The following RC3H1 variants were observed in gnomAD, a reference collection of about 807,000 sequenced individuals.
The protein encoded by RC3H1 is ring finger and CCCH-type domains 1.
Under a neutral mutation model 138.2 loss-of-function variants are expected in RC3H1, and 50 were observed. That is an observed-to-expected ratio of 0.36 (90% CI 0.29 to 0.46). RC3H1 has a LOEUF of 0.46. Ranked by LOEUF, RC3H1 falls within the 20% of genes least tolerant of loss-of-function variation. The pLI is 1.00. For synonymous variants in RC3H1, 462 were observed against 489.1 expected, an observed-to-expected ratio of 0.94 and a Z score of 0.73; for missense variants, 1,031 against 1,388.1, an observed-to-expected ratio of 0.74 and a Z score of 4.09.
chr1:173,961,233 A>G lies in RC3H1; in HGVS notation c.2214T>C (p.Tyr738=). The G allele has an allele frequency of 6.2e-7, 1 of 1,605,714 alleles. No homozygotes were observed. Among genetic ancestry groups the G allele is most frequent in the Non-Finnish European group, 8.5e-7 (1 of 1,177,906 alleles). Residue 738 remains tyrosine (Y), a synonymous_variant, in exon 13 of 20, where the codon TAT becomes TAC. Transcript: ENST00000367696. ...IRPSYLREPP[Y]SRLPPPPQPH... ...GCTGGGGAGGAGGAGGAAGCCGGCT[A>G]TAAGGAGGTTCCTAAAAATAGAAAG... is the stretch of plus-strand genomic sequence containing the variant.
At position 173,965,223 on chromosome 1, in the gene RC3H1, C is replaced by T. The variant is rs998385004; in HGVS notation, c.1335-103G>A. On this transcript the variant is annotated intron_variant, in intron 9 of 19. Transcript: ENST00000367696. ...TTTCTAGAAATATTCTCTCTTGAAA[C>T]ATTAACTCTATCAGTGTGTATATTT... The T allele has an allele frequency of 7.7e-5, 79 of 1,021,122 alleles. No homozygotes were observed. In the African/African-American group the frequency reaches 1.1e-3, roughly 14 times the overall value. 63.3% of individuals were successfully genotyped at this position (1,021,122 alleles called of 1,614,324 possible).
intron 13 of RC3H1, among the ~76,000 whole-genome samples, chr1:173,957,153 G>T (rs1232025174): frequency 6.6e-6 from 1 of 152,036 alleles, no homozygotes; most frequent in African/African-American, 2.4e-5. Flanking sequence ...TAACTAAAAT[G>T]ATTCTAGATA....
intron 9 of RC3H1, among the ~76,000 whole-genome samples, chr1:173,969,834 A>C (rs1006034592): frequency 6.0e-4 from 91 of 151,990 alleles, no homozygotes; most frequent in African/African-American, 2.1e-3. Flanking sequence ...AGAATCTGTT[A>C]AACTGAGCCA....
intron 9 of RC3H1, among the ~76,000 whole-genome samples, chr1:173,965,966 C>T (rs1660098762): frequency 6.6e-6 from 1 of 152,006 alleles, no homozygotes; most frequent in Non-Finnish European, 1.5e-5. Flanking sequence ...CATGGTGAAA[C>T]CTTGTCTTTA....
chr1:173,979,310 C>T (rs1401069095), intron 6 of RC3H1, among the ~76,000 whole-genome samples: 1 of 152,192 alleles, frequency 6.6e-6, no homozygotes, highest in East Asian at 1.9e-4. Context: ...TTACACAGTT[C>T]AGTTCAGACA....
In RC3H1 at chr1:173,944,226, T is replaced by G. The variant is rs555994736; in HGVS notation, c.2962-611A>C. The stretch of plus-strand genomic sequence containing the variant: ...AAGAAAAACAAGTCAACTACAGATG[T>G]GCATCTTTCCCCCTCTGTTTTTAAT... On this transcript the variant is annotated intron_variant, in intron 17 of 19. Transcript: ENST00000367696. 2.0e-5 allele frequency among the ~76,000 whole-genome samples: 3 copies of G among 151,608 alleles called. 1 individual carries two copies. Among genetic ancestry groups the G allele is most frequent in the African/African-American group, 7.3e-5 (3 of 41,334 alleles).
chr1:173,984,979 C>T (rs1660964804), intron 2 of RC3H1, among the ~76,000 whole-genome samples: 1 of 152,160 alleles, frequency 6.6e-6, no homozygotes, highest in African/African-American at 2.4e-5. Context: ...CTTATTTCTT[C>T]CCAACCATCC....
At chr1:173,999,378 CAAAAA>C (rs11299661) in intron 1 of RC3H1, among the ~76,000 whole-genome samples, 1 of 110,316 alleles carries the variant, frequency 9.1e-6, no homozygotes. Context: ...AAAACTCCAC[CAAAAA>C]AAAAAAAAAG....
intron 6 of RC3H1, among the ~76,000 whole-genome samples, chr1:173,979,551 G>A (rs977583201): frequency 3.3e-5 from 5 of 152,190 alleles, no homozygotes; most frequent in African/African-American, 1.2e-4. Context: ...AGCTACTTGG[G>A]AGGCTGAGGC....
intron 11 of RC3H1, 23 bp from the exon 12 acceptor site, chr1:173,962,118 CA>C (rs1659913982): frequency 1.9e-6 from 3 of 1,553,358 alleles, no homozygotes; most frequent in Non-Finnish European, 2.6e-6. Context: ...AAAGAGGACC[CA>C]AAAGCAAATA....
At chr1:173,959,273 C>T (rs1179720281) in intron 13 of RC3H1, among the ~76,000 whole-genome samples, 1 of 151,980 alleles carries the variant, frequency 6.6e-6, no homozygotes, top group African/African-American at 2.4e-5. Context: ...AGGGTCAATA[C>T]ATAAAAATCT....
chr1:174,015,466 A>G (rs1379887867), intron 1 of RC3H1, among the ~76,000 whole-genome samples: 1 of 151,784 alleles, frequency 6.6e-6, no homozygotes, highest in African/African-American at 2.4e-5. Context: ...CCTGGGTTCA[A>G]GCAATTCTCT....
Position 173,982,919 on chromosome 1 carries a change from A to C in RC3H1, c.593-17T>G. The C allele has an allele frequency of 6.3e-7, 1 of 1,596,274 alleles. No homozygotes were observed. The highest frequency in any genetic ancestry group is 8.5e-7 in the Non-Finnish European group (1 of 1,173,884). On this transcript the variant is annotated splice_polypyrimidine_tract_variant and intron_variant, in intron 4 of 19. Coordinates refer to ENST00000367696, the MANE Select transcript of RC3H1 (RefSeq NM_172071.4). ...CCTGCATTGCTAGGGAAAGTTGGGC[A>C]AAACCAAAATTTATCAAGTACATAG...
intron 2 of RC3H1, among the ~76,000 whole-genome samples, chr1:173,991,322 A>G (rs1661279203): frequency 6.6e-6 from 1 of 152,240 alleles, no homozygotes; most frequent in African/African-American, 2.4e-5. Flanking sequence ...CTCATCTTAT[A>G]TCCTGCAACT....
rs1659417834 is a variant in RC3H1 at position 173,951,931 on chromosome 1, A to C, written c.2523+55T>G. 5 of 1,509,222 alleles carry C rather than the reference A, an allele frequency of 3.3e-6. No individual in the cohort carries two copies. In the East Asian group the frequency reaches 9.4e-5, roughly 28 times the overall value. 93.5% of individuals were successfully genotyped at this position (1,509,222 alleles called of 1,614,324 possible). A position where few individuals can be genotyped will look rare whatever the true frequency, so the allele number is the denominator to read the frequency against. On this transcript the variant is annotated intron_variant, in intron 14 of 19. Coordinates refer to ENST00000367696, the MANE Select transcript of RC3H1 (RefSeq NM_172071.4). ...TTGTGCCTAAATGGTAATGGGTAAA[A>C]ATTTATTTGGTTTATCTTAATTTGT... is the stretch of plus-strand genomic sequence containing the variant.
intron 14 of RC3H1, among the ~76,000 whole-genome samples, chr1:173,948,114 A>T (rs1429322778): frequency 6.6e-6 from 1 of 152,162 alleles, no homozygotes; most frequent in East Asian, 1.9e-4. Context: ...GCCCCAAGAC[A>T]CCAGATCAAA....
At chr1:173,961,024 C>G in intron 13 of RC3H1, 53 bp downstream of exon 13, 1 of 1,554,990 alleles carries the variant, frequency 6.4e-7, no homozygotes, top group Non-Finnish European at 8.8e-7. Flanking sequence ...ATGACTTAAA[C>G]CGGACACACA....
At chr1:173,963,498 T>G (rs1025476014) in intron 11 of RC3H1, among the ~76,000 whole-genome samples, 1 of 152,186 alleles carries the variant, frequency 6.6e-6, no homozygotes, top group African/African-American at 2.4e-5. Flanking sequence ...TTTATTCTAT[T>G]CTGTAAACTC....
intron 1 of RC3H1, among the ~76,000 whole-genome samples, chr1:174,011,350 G>A (rs1419878644): frequency 2.6e-5 from 4 of 151,966 alleles, no homozygotes; most frequent in Admixed American, 2.0e-4. Flanking sequence ...CTAGATTCAA[G>A]CAAAGAAGAT....
Sources: gnomAD v4.1 joint callset for allele counts (sites outside exome capture counted in the v4.1 genomes callset) on GRCh38, gnomAD v4.1.1 for gene constraint, MANE v1.5 for transcripts, NCBI Gene and HGNC (gene_info 2026-07-23, HGNC 2026-07-21) for gene names.